SVOPL: variants seen among roughly 807,000 people sequenced by gnomAD.
SVOPL encodes the protein SVOP like, also known as putative transporter SVOPL.
A neutral mutation model predicts 61.0 loss-of-function variants in SVOPL; 60 were observed. That is an observed-to-expected ratio of 0.98 (90% confidence interval 0.80 to 1.22). SVOPL has a LOEUF of 1.22. SVOPL is among the 50% of genes most tolerant of loss of function. The probability of loss-of-function intolerance (pLI) is 0.00; values close to 1 mark genes in which losing one functional copy is unlikely to be tolerated. For missense variants in SVOPL, 662 were observed against 643.9 expected (o/e 1.03, Z -0.30); for synonymous variants, 279 against 250.0 (o/e 1.12, Z -1.09).
intron 3 of SVOPL, among the ~76,000 whole-genome samples, chr7:138,675,972 G>A (rs1802549430): frequency 6.6e-6 from 1 of 152,158 alleles, no homozygotes; most frequent in Non-Finnish European, 1.5e-5. Flanking sequence ...CCAAGTAGCT[G>A]GGATTACAGA....
At position 138,656,474 on chromosome 7, in the gene SVOPL, G is replaced by C. The variant is rs117871806; in HGVS notation, c.508C>G (p.Arg170Gly). 1 of 1,613,902 alleles carries C rather than the reference G, an allele frequency of 6.2e-7. No homozygotes were observed. The highest frequency in any genetic ancestry group is 1.3e-5 in the African/African-American group (1 of 74,980). ...TGAGACAAGGGTAACATATAGCCTC[G>C]GTATTTCGTGGGCAAAAATTCAGTC... ...IKTEFLPTKY[R>G]GYMLPLSQVF... The change falls in exon 7 of 16, where the codon CGA (arginine) becomes GGA (glycine). Residue 170 changes from arginine to glycine, a missense_variant. By Grantham distance (125) the Arg-to-Gly change is moderately radical (BLOSUM62 -2). Transcript: ENST00000674285.
chr7:138,693,772 A>T (rs1349885349), intron 1 of SVOPL, among the ~76,000 whole-genome samples: 2 of 151,918 alleles, frequency 1.3e-5, no homozygotes, highest in African/African-American at 4.8e-5. Flanking sequence ...TTCTGTTATA[A>T]ACTCATTTTA....
chr7:138,671,978 C>A, intron 4 of SVOPL, 41 bp downstream of exon 4: 1 of 1,533,474 alleles, frequency 6.5e-7, no homozygotes, highest in Middle Eastern at 1.7e-4. Flanking sequence ...GAGCCTACGC[C>A]CTCAGTTGCT....
chr7:138,599,305 G>A (rs1798415968), intron 14 of SVOPL, among the ~76,000 whole-genome samples: 1 of 152,164 alleles, frequency 6.6e-6, no homozygotes, highest in South Asian at 2.1e-4. Context: ...GGTATAGGGA[G>A]TCAGAGAGGT....
At chr7:138,680,705 A>C (rs762299541) in intron 1 of SVOPL, among the ~76,000 whole-genome samples, 5 of 151,974 alleles carry the variant, frequency 3.3e-5, no homozygotes, top group Admixed American at 6.6e-5. Flanking sequence ...CAGCCTCCTG[A>C]GTAGCTGGGA....
chr7:138,643,813 G>A lies in SVOPL; in HGVS notation c.789+904C>T, dbSNP rs191003251. On this transcript the variant is annotated intron_variant, in intron 9 of 15. Transcript: ENST00000674285. The stretch of plus-strand genomic sequence containing the variant: ...AATTTCAGCTTTGTTAAGATGAAGA[G>A]TTCTGGAGATGGATGGTGGTTATGG... Among the ~76,000 whole-genome samples, 3 of 152,246 alleles carry A rather than the reference G, an allele frequency of 2.0e-5. No homozygotes were observed. The East Asian group carries it at 5.8e-4, about 29-fold the overall frequency.
intron 14 of SVOPL, among the ~76,000 whole-genome samples, chr7:138,605,889 C>T (rs1226186583): frequency 1.3e-5 from 2 of 152,176 alleles, no homozygotes; most frequent in Admixed American, 6.5e-5. Context: ...CGGGTGTTTT[C>T]CAATCAACCT....
At chr7:138,647,037 T>C (rs1395782369) in intron 8 of SVOPL, among the ~76,000 whole-genome samples, 1 of 152,164 alleles carries the variant, frequency 6.6e-6, no homozygotes, top group East Asian at 1.9e-4. Flanking sequence ...GTAATGACAT[T>C]GCTTAGAGAA....
At chr7:138,629,153 G>GTGTATGTA in intron 10 of SVOPL, among the ~76,000 whole-genome samples, 1 of 147,376 alleles carries the variant, frequency 6.8e-6, no homozygotes, top group East Asian at 2.0e-4. Context: ...GTGTGTGTGT[G>GTGTATGTA]TATATATGTA....
At chr7:138,686,075 T>C (rs1170542965) in intron 1 of SVOPL, among the ~76,000 whole-genome samples, 1 of 151,898 alleles carries the variant, frequency 6.6e-6, no homozygotes, top group Non-Finnish European at 1.5e-5. Flanking sequence ...CAAAAAAATC[T>C]CAAGCCAAGC....
intron 1 of SVOPL, among the ~76,000 whole-genome samples, chr7:138,683,499 C>G (rs998014571): frequency 6.6e-6 from 1 of 152,032 alleles, no homozygotes; most frequent in Admixed American, 6.6e-5. Context: ...TCCCGAGTAG[C>G]TGGGATTATA....
At chr7:138,671,521 T>C (rs1802416449) in intron 4 of SVOPL, among the ~76,000 whole-genome samples, 1 of 152,172 alleles carries the variant, frequency 6.6e-6, no homozygotes, top group African/African-American at 2.4e-5. Flanking sequence ...CTAATTTTTG[T>C]ATTTTTAGTA....
At chr7:138,656,726 C>T (rs1027330614) in intron 6 of SVOPL, among the ~76,000 whole-genome samples, 14 of 152,246 alleles carry the variant, frequency 9.2e-5, no homozygotes, top group African/African-American at 2.9e-4. Flanking sequence ...ACTCCCAATA[C>T]TTTAAACCTT....
chr7:138,699,148 T>A (rs1205872404), intron 1 of SVOPL, among the ~76,000 whole-genome samples: 4 of 151,092 alleles, frequency 2.6e-5, no homozygotes, highest in African/African-American at 9.8e-5. Context: ...TGAAACTCCG[T>A]CTCCAAAAAA....
chr7:138,639,647 A>T (rs1800681619), intron 9 of SVOPL, among the ~76,000 whole-genome samples: 1 of 151,890 alleles, frequency 6.6e-6, no homozygotes. Flanking sequence ...AGAAGAGAAA[A>T]GAATGGGAAG....
intron 13 of SVOPL, among the ~76,000 whole-genome samples, chr7:138,624,677 T>C (rs1030774834): frequency 1.3e-5 from 2 of 150,306 alleles, no homozygotes; most frequent in Non-Finnish European, 3.0e-5. Context: ...CTCTATTCTA[T>C]AGCCCTAGAA....
intron 4 of SVOPL, among the ~76,000 whole-genome samples, chr7:138,670,952 T>A (rs2117107406): frequency 6.6e-6 from 1 of 152,342 alleles, no homozygotes; most frequent in East Asian, 1.9e-4. Flanking sequence ...CAAAGCTCTA[T>A]GATAGAAGGT....
In SVOPL at chr7:138,621,082, A is replaced by C; in HGVS notation, c.1317T>G (p.Cys439Trp). ...ATGGTGCCACCATTGCACCAATGCGACACAGGGAGCCGCTGGTTCCCATCC... is the reference window on the plus strand; with the variant it reads ...ATGGTGCCACCATTGCACCAATGCGCCACAGGGAGCCGCTGGTTCCCATCC... ...ALGMGTSGSL[C>W]RIGAMVAPFI... is the part of the protein sequence containing the mutation. Residue 439 changes from cysteine (C) to tryptophan (W), a missense_variant, in exon 14 of 16, where the codon TGT (cysteine) becomes TGG (tryptophan). Cys to Trp is a radical substitution (Grantham distance 215). Coordinates refer to ENST00000674285, the MANE Select transcript of SVOPL (RefSeq NM_001139456.2). The C allele has an allele frequency of 6.2e-7, 1 of 1,613,648 alleles. No homozygotes were observed. The highest frequency in any genetic ancestry group is 8.5e-7 in the Non-Finnish European group (1 of 1,179,818).
chr7:138,596,592 A>C (rs1465596214), intron 14 of SVOPL, 62 bp from the exon 15 acceptor site: 15 of 1,572,920 alleles, frequency 9.5e-6, no homozygotes, highest in Non-Finnish European at 1.3e-5. Flanking sequence ...ACTGTTCTTT[A>C]TGTGAAAGAG....
Sources: gnomAD v4.1 joint callset for allele counts (sites outside exome capture counted in the v4.1 genomes callset) on GRCh38, gnomAD v4.1.1 for gene constraint, MANE v1.5 for transcripts, NCBI Gene and HGNC (gene_info 2026-07-23, HGNC 2026-07-21) for gene names.